CHD4: variants seen among roughly 807,000 people sequenced by gnomAD.
The protein encoded by CHD4 is ATP-dependent chromatin remodeler CHD4.
In CHD4, 35 loss-of-function variants were observed where a neutral mutation model predicts 235.5. That is an observed-to-expected ratio of 0.15 (90% CI 0.11 to 0.20). The LOEUF (loss-of-function observed/expected upper bound fraction) is 0.20. Ranked by LOEUF, CHD4 falls within the 10% of genes least tolerant of loss-of-function variation. The probability of loss-of-function intolerance (pLI) is 1.00; values close to 1 mark genes in which losing one functional copy is unlikely to be tolerated. For synonymous variants in CHD4, 900 were observed against 850.2 expected (o/e 1.06, Z -1.02); for missense variants, 1,329 against 2,432.3 (o/e 0.55, Z 9.54).
chr12:6,600,962 C>T lies in CHD4; in HGVS notation c.891G>A (p.Lys297=). 1 of 1,607,916 alleles carries T rather than the reference C, an allele frequency of 6.2e-7. No homozygotes were observed. Among genetic ancestry groups the T allele is most frequent in the South Asian group, 1.1e-5 (1 of 90,050 alleles). The part of the protein sequence containing the change: ...KPKKVAPLKI[K]LGGFGSKRKR... ...TACGCTTGGAACCAAAACCTCCCAG[C>T]TTGATTTTCAGGGGAGCTACTTTCT... is the stretch of plus-strand genomic sequence containing the variant. The change falls in exon 7 of 40, where the codon AAG becomes AAA. Residue 297 remains lysine, a synonymous_variant. Transcript: ENST00000544040.
At chr12:6,573,009 G>T in intron 38 of CHD4, 65 bp downstream of exon 38, 5 of 1,466,104 alleles carry the variant, frequency 3.4e-6, no homozygotes, top group Non-Finnish European at 4.6e-6. Flanking sequence ...ACAAATATAT[G>T]TACATTAGGA....
In CHD4 at chr12:6,603,566, C is replaced by CGG. The variant is rs148670709; in HGVS notation, c.101-1071_101-1070dup. The stretch of plus-strand genomic sequence containing the variant: ...GGTGGGTTTGAGAGAGGTGGGGTGG[C>CGG]GGGGGGGGAGACTGCCCTCATAGAA... On this transcript the variant is annotated intron_variant, in intron 2 of 39. Transcript: ENST00000544040. Among the ~76,000 whole-genome samples the CGG allele has an allele frequency of 6.4e-4, 37 of 57,790 alleles. 1 individual carries two copies. The East Asian group carries it at 6.9e-3, about 11-fold the overall frequency. 37.9% of individuals were successfully genotyped at this position (57,790 alleles called of 152,430 possible). A position where few individuals can be genotyped will look rare whatever the true frequency, so the allele number is the denominator to read the frequency against.
intron 2 of CHD4, among the ~76,000 whole-genome samples, 158 bp downstream of exon 2, chr12:6,606,116 C>G (rs1211014155): frequency 1.3e-5 from 2 of 152,260 alleles, no homozygotes; most frequent in African/African-American, 4.8e-5. Context: ...CCCCCTCACA[C>G]CAGAGCTCCG....
chr12:6,579,928 C>T lies in CHD4; in HGVS notation c.4910-1011G>A, dbSNP rs570302670. ...AAAATTAGCCGGGCATGGTGGCAGGCGCCTGTAGTCCCAGCTACTCAGGAG... is the reference window on the plus strand; with the variant it reads ...AAAATTAGCCGGGCATGGTGGCAGGTGCCTGTAGTCCCAGCTACTCAGGAG... On this transcript the variant is annotated intron_variant, in intron 33 of 39. Transcript: ENST00000544040. Among the ~76,000 whole-genome samples the T allele has an allele frequency of 1.5e-3, 227 of 146,928 alleles. 1 individual carries two copies. Among genetic ancestry groups the T allele is most frequent in the African/African-American group, 5.3e-3 (211 of 39,678 alleles).
chr12:6,571,251 A>ACTAT, intron 38 of CHD4: 1 of 529,194 alleles, frequency 1.9e-6, no homozygotes, highest in Non-Finnish European at 3.3e-6. Context: ...CTAAACCTTC[A>ACTAT]CTATCCCTTA....
intron 24 of CHD4, 48 bp downstream of exon 24, chr12:6,587,664 T>C: frequency 6.2e-7 from 1 of 1,608,348 alleles, no homozygotes. Flanking sequence ...CCCTAACCTT[T>C]AGAGAGGCCA....
chr12:6,594,507 A>G lies in CHD4; in HGVS notation c.2265T>C (p.Leu755=), dbSNP rs1204988548. The change falls in exon 15 of 40, where the codon CTT becomes CTC. Residue 755 remains leucine, a synonymous_variant. Coordinates refer to ENST00000544040, the MANE Select transcript of CHD4 (RefSeq NM_001273.5). The stretch of plus-strand genomic sequence containing the variant: ...AGACTGCTGTCTGTACAGTTTTCCC[A>G]AGGCCCATCTCATCAGCCAAGATGG... ...TDTILADEMG[L]GKTVQTAVFL... The G allele has an allele frequency of 1.9e-6, 3 of 1,614,056 alleles. No individual in the cohort carries two copies. Among genetic ancestry groups the G allele is most frequent in the Non-Finnish European group, 2.5e-6 (3 of 1,179,956 alleles).
chr12:6,578,843 C>T lies in CHD4; in HGVS notation c.4981+3G>A, dbSNP rs1948118980. ...ACCACAATCAACTTCTCCAAACACC[C>T]ACCTTTGTCTTCTACCACAATAGGG... On this transcript the variant is annotated splice_donor_region_variant and intron_variant, in intron 34 of 39. Transcript: ENST00000544040. 1 of 1,614,066 alleles carries T rather than the reference C, an allele frequency of 6.2e-7. No homozygotes were observed. Among genetic ancestry groups the T allele is most frequent in the Non-Finnish European group, 8.5e-7 (1 of 1,179,914 alleles).
rs368884385 is a variant in CHD4, at chr12:6,602,195, G to A, written c.223-20C>T. 1.2e-4 allele frequency: 192 copies of A among 1,612,586 alleles called. No individual in the cohort carries two copies. The highest frequency in any genetic ancestry group is 3.3e-4 in the Middle Eastern group (2 of 5,974). On this transcript the variant is annotated intron_variant, in intron 3 of 39. Transcript: ENST00000544040. ...CATACGCTGGAGCAGGGCAAGGGGG[G>A]AAGAGGGAGACAGACACACACATGC...
chr12:6,601,604 CAGAA>C (rs1948592643), intron 5 of CHD4, 40 bp downstream of exon 5: 3 of 1,613,362 alleles, frequency 1.9e-6, no homozygotes, highest in Non-Finnish European at 2.5e-6. Flanking sequence ...GAAGAGAGAA[CAGAA>C]AGATTCTCCT....
At chr12:6,597,806 C>T in intron 12 of CHD4, 88 bp downstream of exon 12, 1 of 1,183,386 alleles carries the variant, frequency 8.5e-7, no homozygotes, top group South Asian at 1.3e-5. Context: ...TCTTCCAAGT[C>T]TAAGTTACTG....
intron 4 of CHD4, 38 bp downstream of exon 4, chr12:6,601,922 G>A (rs1204578876): frequency 6.2e-7 from 1 of 1,603,654 alleles, no homozygotes; most frequent in Admixed American, 1.7e-5. Context: ...AAAGACAAAA[G>A]TTTAACAGTA....
intron 2 of CHD4, chr12:6,602,788 T>C (rs936165303): frequency 1.0e-5 from 3 of 294,274 alleles, no homozygotes; most frequent in African/African-American, 6.5e-5. Context: ...TGTTCACCAG[T>C]ACAGCTGAAC....
chr12:6,580,445 G>T (rs141979439), intron 33 of CHD4: 2 of 152,624 alleles, frequency 1.3e-5, no homozygotes, highest in African/African-American at 4.8e-5. Context: ...GGTAGCTCAC[G>T]CCTGTAATCC....
intron 25 of CHD4, chr12:6,587,107 G>A (rs1273623592): frequency 2.5e-6 from 1 of 407,446 alleles, no homozygotes; most frequent in Admixed American, 4.2e-5. Context: ...TCATTTGTAA[G>A]GTTTAATAAA....
chr12:6,577,597 T>C lies in CHD4; in HGVS notation c.5361+188A>G, dbSNP rs932637014. 2.2e-4 allele frequency: 154 copies of C among 697,058 alleles called. 1 individual carries two copies. Among genetic ancestry groups the C allele is most frequent in the Middle Eastern group, 7.1e-4 (2 of 2,798 alleles). The allele number at this position is 697,058 out of a possible 1,614,324, so 43.2% of individuals were successfully genotyped here. ...TGGACACATAGTCACCTACAGCTCA[T>C]GTACAGTTAGTTAACTTTCAATTCT... On this transcript the variant is annotated intron_variant, in intron 37 of 39. Coordinates refer to ENST00000544040, the MANE Select transcript of CHD4 (RefSeq NM_001273.5).
chr12:6,574,372 GC>G (rs1214559868), intron 37 of CHD4, among the ~76,000 whole-genome samples: 1 of 152,146 alleles, frequency 6.6e-6, no homozygotes, highest in Non-Finnish European at 1.5e-5. Context: ...TTGCCTCTAG[GC>G]CCCCACCACC....
At chr12:6,585,862 C>T (rs1948282694) in intron 25 of CHD4, among the ~76,000 whole-genome samples, 1 of 151,164 alleles carries the variant, frequency 6.6e-6, no homozygotes, top group African/African-American at 2.4e-5. Flanking sequence ...CTTTGGGAGG[C>T]CGAGGCAGGC....
intron 37 of CHD4, among the ~76,000 whole-genome samples, chr12:6,574,275 C>T (rs1315626593): frequency 2.0e-5 from 3 of 152,052 alleles, no homozygotes; most frequent in African/African-American, 7.2e-5. Context: ...GTTGTATGCA[C>T]ATGAATTTTG....
Sources: allele counts gnomAD v4.1 joint callset (sites outside exome capture counted in the v4.1 genomes callset), GRCh38; gene constraint gnomAD v4.1.1; transcripts MANE v1.5; gene names NCBI Gene and HGNC (gene_info 2026-07-23, HGNC 2026-07-21).